AFF1: variants seen among roughly 807,000 people sequenced by gnomAD.
AFF1 encodes AF4/FMR2 family member 1.
A neutral mutation model predicts 121.7 loss-of-function variants in AFF1; 48 were observed. That is an observed-to-expected ratio of 0.39 (90% CI 0.31 to 0.50). The LOEUF (loss-of-function observed/expected upper bound fraction) is 0.50. Ranked by LOEUF, AFF1 falls within the 20% of genes least tolerant of loss-of-function variation. The probability of loss-of-function intolerance (pLI) is 0.76; values close to 1 mark genes in which losing one functional copy is unlikely to be tolerated. For synonymous variants in AFF1, 613 were observed against 563.0 expected (o/e 1.09, Z -1.26); for missense variants, 1,523 against 1,511.7 (o/e 1.01, Z -0.12).
chr4:87,110,945 C>T (rs569123297), intron 11 of AFF1, among the ~76,000 whole-genome samples: 2 of 151,986 alleles, frequency 1.3e-5, no homozygotes, highest in South Asian at 4.1e-4. Context: ...ATAAAATATT[C>T]CCAGGATATT....
intron 2 of AFF1, among the ~76,000 whole-genome samples, chr4:87,001,741 C>CCAA (rs1258821815): frequency 6.6e-6 from 1 of 152,148 alleles, no homozygotes; most frequent in Non-Finnish European, 1.5e-5. Flanking sequence ...GAAGGGAGAG[C>CCAA]CGGTTAATTT....
chr4:87,041,064 A>G lies in AFF1; in HGVS notation c.39-5102A>G, dbSNP rs1224896798. On this transcript the variant is annotated intron_variant, in intron 2 of 20. Transcript: ENST00000395146. ...CTAATATTTTGTATTTTTAGTAGCC[A>G]CAGGGTTTCACCACGTTGGCCAAGC... is the stretch of plus-strand genomic sequence containing the variant. Among the ~76,000 whole-genome samples, 3 of 151,782 alleles carry G rather than the reference A, an allele frequency of 2.0e-5. No individual in the cohort carries two copies. The East Asian group carries it at 5.8e-4, about 29-fold the overall frequency.
At chr4:87,124,246 C>CT (rs1727998525) in intron 12 of AFF1, among the ~76,000 whole-genome samples, 1 of 152,144 alleles carries the variant, frequency 6.6e-6, no homozygotes, top group South Asian at 2.1e-4. Context: ...TTTAACCCTA[C>CT]TTTCAAGCTA....
rs1176539166 is a variant in AFF1 at position 86,951,601 on chromosome 4, TCTTTTTC to T, written c.38+3031_38+3037del. Among the ~76,000 whole-genome samples, 14 of 139,956 alleles carry T rather than the reference TCTTTTTC, an allele frequency of 1.0e-4. No homozygotes were observed. The East Asian group carries it at 2.1e-3, about 21-fold the overall frequency. The allele number at this position is 139,956 out of a possible 152,430, so 91.8% of individuals were successfully genotyped here. ...TGGGGGATGTTAGGGAACTTTTTTT[TCTTTTTC>T]TTTTTTCTTTTTTTCTTTTTTTTTT... On this transcript the variant is annotated intron_variant, in intron 2 of 20. Coordinates refer to ENST00000395146, the MANE Select transcript of AFF1 (RefSeq NM_001166693.3).
intron 2 of AFF1, among the ~76,000 whole-genome samples, chr4:87,007,798 C>T (rs745472727): frequency 4.5e-4 from 68 of 152,138 alleles, no homozygotes; most frequent in Non-Finnish European, 7.2e-4. Flanking sequence ...GCTGTTGTCT[C>T]GAGGGGAAGT....
rs896120179 is a variant in AFF1, at chr4:87,000,603, CTCTGTGTGTGTGTG to C, written c.39-45561_39-45548del. On this transcript the variant is annotated intron_variant, in intron 2 of 20. Coordinates refer to ENST00000395146, the MANE Select transcript of AFF1 (RefSeq NM_001166693.3). ...AATAAAACATTTATTAAAAAATAAACTCTGTGTGTGTGTGTGTGTGTGTGTGTGTGTGTGTGTGG... is the reference window on the plus strand; with the variant it reads ...AATAAAACATTTATTAAAAAATAAACTGTGTGTGTGTGTGTGTGTGTGTGG... 1.4e-4 allele frequency among the ~76,000 whole-genome samples: 11 copies of C among 76,758 alleles called. No homozygotes were observed. The East Asian group carries it at 1.6e-3, about 11-fold the overall frequency. The allele number at this position is 76,758 out of a possible 152,430, so 50.4% of individuals were successfully genotyped here. A position where few individuals can be genotyped will look rare whatever the true frequency, so the allele number is the denominator to read the frequency against.
intron 2 of AFF1, among the ~76,000 whole-genome samples, chr4:86,985,181 C>CTATATCTATATATA (rs1724123074): frequency 1.0e-5 from 1 of 96,518 alleles, no homozygotes; most frequent in Non-Finnish European, 1.9e-5. Context: ...ATATGTATTA[C>CTATATCTATATATA]TATATATATA....
At chr4:87,053,231 A>C (rs1731443945) in intron 4 of AFF1, among the ~76,000 whole-genome samples, 1 of 152,206 alleles carries the variant, frequency 6.6e-6, no homozygotes, top group African/African-American at 2.4e-5. Flanking sequence ...GATTTCTGCA[A>C]AGCAATTGCT....
intron 2 of AFF1, among the ~76,000 whole-genome samples, chr4:86,969,303 C>T (rs1347093372): frequency 2.0e-5 from 3 of 151,334 alleles, no homozygotes; most frequent in African/African-American, 7.3e-5. Context: ...CATGGTGAAA[C>T]CTTGTCTCTA....
At chr4:87,073,748 C>T (rs888800916) in intron 4 of AFF1, among the ~76,000 whole-genome samples, 4 of 152,294 alleles carry the variant, frequency 2.6e-5, no homozygotes, top group South Asian at 2.1e-4. Flanking sequence ...ATAATCTTAG[C>T]TTATGCTCAG....
intron 2 of AFF1, among the ~76,000 whole-genome samples, chr4:86,953,970 CAA>C (rs1158011498): frequency 6.6e-6 from 1 of 152,138 alleles, no homozygotes; most frequent in Non-Finnish European, 1.5e-5. Context: ...CTCGGCCTCT[CAA>C]AGTGCTGGGA....
At chr4:87,064,900 G>A (rs1256364936) in intron 4 of AFF1, among the ~76,000 whole-genome samples, 3 of 151,064 alleles carry the variant, frequency 2.0e-5, no homozygotes, top group Admixed American at 2.0e-4. Flanking sequence ...AAAGCCGGGT[G>A]TTGTGGCATG....
chr4:87,058,769 CAG>C (rs898289967), intron 4 of AFF1, among the ~76,000 whole-genome samples: 1 of 152,182 alleles, frequency 6.6e-6, no homozygotes, highest in African/African-American at 2.4e-5. Context: ...GCTCTGGAGA[CAG>C]AAGTAGGTAA....
chr4:86,995,281 TCTCCCTCCCCCTCTCC>T (rs1190009419), intron 2 of AFF1, among the ~76,000 whole-genome samples: 18 of 36,244 alleles, frequency 5.0e-4, no homozygotes, highest in South Asian at 2.4e-3. Flanking sequence ...CCCCTCCCCC[TCTCCCTCCCCCTCTCC>T]CTCCCTCCCC....
chr4:87,089,853 C>A (rs1012293397), intron 5 of AFF1, 131 bp from the exon 6 acceptor site: 88 of 556,200 alleles, frequency 1.6e-4, no homozygotes, highest in Middle Eastern at 6.2e-4. Flanking sequence ...TTTTTAAGTA[C>A]ATGAAATAAC....
At chr4:87,110,036 G>T (rs1313450390) in intron 11 of AFF1, among the ~76,000 whole-genome samples, 1 of 151,942 alleles carries the variant, frequency 6.6e-6, no homozygotes, top group African/African-American at 2.4e-5. Context: ...ATAAATTTCT[G>T]GTGTTGTTTC....
chr4:87,060,770 C>T lies in AFF1; in HGVS notation c.1059+13176C>T, dbSNP rs186770396. On this transcript the variant is annotated intron_variant, in intron 4 of 20. Coordinates refer to ENST00000395146, the MANE Select transcript of AFF1 (RefSeq NM_001166693.3). ...AGGAGAATTGCTTGAACCTGGGAGGCGGAGGTTGCAGTGAGCCGAGATCAC... is the reference window on the plus strand; with the variant it reads ...AGGAGAATTGCTTGAACCTGGGAGGTGGAGGTTGCAGTGAGCCGAGATCAC... 3.2e-3 allele frequency among the ~76,000 whole-genome samples: 405 copies of T among 127,240 alleles called. 2 individuals are homozygous for T. The highest frequency in any genetic ancestry group is 4.3e-3 in the Non-Finnish European group (268 of 61,764). The allele number at this position is 127,240 out of a possible 152,430, so 83.5% of individuals were successfully genotyped here.
chr4:87,041,509 C>A (rs1730149012), intron 2 of AFF1, among the ~76,000 whole-genome samples: 2 of 152,140 alleles, frequency 1.3e-5, no homozygotes, highest in South Asian at 4.1e-4. Flanking sequence ...GACAAACCCT[C>A]CAGCTAACTG....
intron 1 of AFF1, among the ~76,000 whole-genome samples, chr4:86,939,049 C>T (rs1422736570): frequency 2.0e-5 from 3 of 152,064 alleles, no homozygotes; most frequent in Admixed American, 6.6e-5. Context: ...TTCCTAATAC[C>T]GCGTAAGTAT....
Sources: allele counts gnomAD v4.1 joint callset (sites outside exome capture counted in the v4.1 genomes callset), GRCh38; gene constraint gnomAD v4.1.1; transcripts MANE v1.5; gene names NCBI Gene and HGNC (gene_info 2026-07-23, HGNC 2026-07-21).